ANO10: variants seen among roughly 807,000 people sequenced by gnomAD.
ANO10 encodes anoctamin-10.
ANO10 carries 77 observed loss-of-function variants against 74.7 expected under a neutral mutation model. That is an observed-to-expected ratio of 1.03 (90% CI 0.86 to 1.25). The LOEUF (loss-of-function observed/expected upper bound fraction) is 1.25, where lower values mean the gene tolerates loss of function less well. ANO10 is among the 50% of genes most tolerant of loss of function. The pLI, the probability that ANO10 is intolerant of heterozygous loss-of-function variation, is 0.00. For missense variants in ANO10, 721 were observed against 778.1 expected (o/e 0.93, Z 0.87); for synonymous variants, 279 against 284.9 (o/e 0.98, Z 0.21).
Position 43,689,559 on chromosome 3 carries a change from T to C in ANO10, c.-12+1958A>G, listed in dbSNP as rs904674874. On this transcript the variant is annotated intron_variant, in intron 1 of 3. Transcript: ENST00000413397. ...CAAACACAATAAAAAATGTATTAGT[T>C]ATTACTATGCCTAAGAGATTATAAG... The C allele has an allele frequency of 6.6e-5, 10 of 152,356 alleles. No homozygotes were observed. In the East Asian group the frequency reaches 1.9e-3, roughly 29 times the overall value. The allele number at this position is 152,356 out of a possible 1,614,324, so 9.4% of individuals were successfully genotyped here.
intron 11 of ANO10, among the ~76,000 whole-genome samples, chr3:43,524,782 C>A (rs1434254648): frequency 2.0e-5 from 3 of 152,114 alleles, no homozygotes; most frequent in Non-Finnish European, 4.4e-5. Context: ...CCTCCAGTAC[C>A]CAAGCCAGAA....
chr3:43,562,680 A>T (rs1559704321), intron 8 of ANO10, among the ~76,000 whole-genome samples: 1 of 143,076 alleles, frequency 7.0e-6, no homozygotes, highest in Admixed American at 7.0e-5. Flanking sequence ...GACTCCATCT[A>T]AAAAAAAAAA....
chr3:43,672,526 G>A (rs2084072089), intron 1 of ANO10, among the ~76,000 whole-genome samples: 1 of 152,100 alleles, frequency 6.6e-6, no homozygotes, highest in Admixed American at 6.6e-5. Flanking sequence ...GCGAAACCCT[G>A]CCTTAAAAAT....
At chr3:43,676,112 G>A (rs1290006485) in intron 1 of ANO10, among the ~76,000 whole-genome samples, 1 of 152,132 alleles carries the variant, frequency 6.6e-6, no homozygotes, top group African/African-American at 2.4e-5. Flanking sequence ...CTATGTTTAT[G>A]TACAACAATT....
At position 43,414,967 on chromosome 3, in the gene ANO10, CTTTT is replaced by C. The variant is rs60554785; in HGVS notation, c.1914+17640_1914+17643del. On this transcript the variant is annotated intron_variant, in intron 12 of 12. Transcript: ENST00000292246. ...CTGTATGGTTGTTCCTGTCATTGTG[CTTTT>C]TTTTTTTTTTTTTTTTTTTTTGAGA... Among the ~76,000 whole-genome samples, 3 of 66,602 alleles carry C rather than the reference CTTTT, an allele frequency of 4.5e-5. No individual in the cohort carries two copies. In the East Asian group the frequency reaches 1.2e-3, roughly 27 times the overall value. 43.7% of individuals were successfully genotyped at this position (66,602 alleles called of 152,430 possible).
At chr3:43,527,846 A>G (rs1352561041) in intron 11 of ANO10, among the ~76,000 whole-genome samples, 1 of 152,194 alleles carries the variant, frequency 6.6e-6, no homozygotes, top group Non-Finnish European at 1.5e-5. Flanking sequence ...GAGTTTCTAG[A>G]GAATCAAAAG....
intron 10 of ANO10, among the ~76,000 whole-genome samples, chr3:43,554,539 A>T (rs1462494720): frequency 6.6e-6 from 1 of 152,112 alleles, no homozygotes; most frequent in African/African-American, 2.4e-5. Flanking sequence ...TAGGAGAGAT[A>T]AGATTCTATA....
upstream of ANO10, among the ~76,000 whole-genome samples, chr3:43,626,829 A>G (rs1035009217): frequency 6.6e-6 from 1 of 152,162 alleles, no homozygotes; most frequent in Non-Finnish European, 1.5e-5. Context: ...TTATCTCTGT[A>G]CCAGAATCAT....
At chr3:43,440,598 C>A (rs1273633363) in intron 11 of ANO10, among the ~76,000 whole-genome samples, 1 of 151,796 alleles carries the variant, frequency 6.6e-6, no homozygotes, top group East Asian at 1.9e-4. Flanking sequence ...AACACTAATA[C>A]CGTAATAGTA....
chr3:43,452,355 C>T (rs756112623), intron 11 of ANO10, among the ~76,000 whole-genome samples: 1 of 152,186 alleles, frequency 6.6e-6, no homozygotes, highest in Non-Finnish European at 1.5e-5. Context: ...CCTTATCTCC[C>T]GTAGGCAACC....
At chr3:43,551,710 T>C (rs2149313875) in intron 10 of ANO10, 2 of 349,348 alleles carry the variant, frequency 5.7e-6, no homozygotes, top group South Asian at 2.3e-5. Flanking sequence ...CTGGCAATTT[T>C]TGCACAGATG....
intron 11 of ANO10, among the ~76,000 whole-genome samples, chr3:43,523,113 T>C (rs2078031722): frequency 1.3e-5 from 2 of 152,176 alleles, no homozygotes; most frequent in Admixed American, 1.3e-4. Flanking sequence ...GACTCATGTA[T>C]ATTACACCAG....
At chr3:43,666,919 T>TGTTAGCATGGTATATCTTTCTCC (rs2083998844) in intron 1 of ANO10, among the ~76,000 whole-genome samples, 1 of 152,104 alleles carries the variant, frequency 6.6e-6, no homozygotes, top group Admixed American at 6.6e-5. Flanking sequence ...ATTTGATTAA[T>TGTTAGCATGGTATATCTTTCTCC]GTTAGCATGG....
At chr3:43,533,382 G>A (rs1191332904) in intron 11 of ANO10, among the ~76,000 whole-genome samples, 1 of 152,052 alleles carries the variant, frequency 6.6e-6, no homozygotes. Flanking sequence ...TATATCACAT[G>A]TAAGTTTTAT....
At chr3:43,570,616 A>G (rs1205560073) in intron 7 of ANO10, among the ~76,000 whole-genome samples, 1 of 151,808 alleles carries the variant, frequency 6.6e-6, no homozygotes, top group Non-Finnish European at 1.5e-5. Flanking sequence ...GGTGCTGGGA[A>G]AACTGGCTAG....
chr3:43,414,319 T>C (rs2092706703), intron 12 of ANO10, among the ~76,000 whole-genome samples: 1 of 152,180 alleles, frequency 6.6e-6, no homozygotes, highest in Admixed American at 6.5e-5. Flanking sequence ...TAGTGACTGA[T>C]ACACAGACAA....
chr3:43,587,725 A>AT (rs1358891646), intron 4 of ANO10, among the ~76,000 whole-genome samples: 2 of 152,166 alleles, frequency 1.3e-5, no homozygotes, highest in African/African-American at 4.8e-5. Flanking sequence ...CCGACATCCC[A>AT]TAAGATCTCC....
intron 11 of ANO10, among the ~76,000 whole-genome samples, chr3:43,525,095 T>C (rs576066137): frequency 5.3e-5 from 8 of 152,110 alleles, no homozygotes; most frequent in Admixed American, 4.6e-4. Flanking sequence ...ACCACAGCCA[T>C]ACTCTTACCC....
At chr3:43,410,034 C>G (rs1333067503) in intron 12 of ANO10, among the ~76,000 whole-genome samples, 1 of 152,072 alleles carries the variant, frequency 6.6e-6, no homozygotes, top group African/African-American at 2.4e-5. Context: ...ACTGTTTCTT[C>G]CCACTGAAAT....
Sources: gnomAD v4.1 joint callset for allele counts (sites outside exome capture counted in the v4.1 genomes callset) on GRCh38, gnomAD v4.1.1 for gene constraint, MANE v1.5 for transcripts, NCBI Gene and HGNC (gene_info 2026-07-23, HGNC 2026-07-21) for gene names.